CORIN: variants seen among roughly 807,000 people sequenced by gnomAD.
CORIN encodes the protein corin, serine peptidase.
In CORIN, 117 loss-of-function variants were observed where a neutral mutation model predicts 125.3. That is an observed-to-expected ratio of 0.93 (90% CI 0.80 to 1.09). CORIN has a LOEUF of 1.09. Ranked by LOEUF, CORIN falls within the 50% of genes least tolerant of loss-of-function variation. The pLI is 0.00. For missense variants in CORIN, 1,253 were observed against 1,306.7 expected (o/e 0.96, Z 0.63); for synonymous variants, 450 against 466.4 (o/e 0.96, Z 0.45).
At chr4:47,683,959 T>C (rs1228370542) in intron 6 of CORIN, 121 bp from the exon 7 acceptor site, 1 of 664,026 alleles carries the variant, frequency 1.5e-6, no homozygotes. Flanking sequence ...TCCACACCTA[T>C]TGTTTTATAG....
intron 16 of CORIN, among the ~76,000 whole-genome samples, chr4:47,640,844 A>T (rs1250802909): frequency 6.6e-6 from 1 of 152,188 alleles, no homozygotes. Context: ...GAAAAATAAA[A>T]ATAACCATAT....
intron 5 of CORIN, among the ~76,000 whole-genome samples, chr4:47,702,793 C>T (rs1440833422): frequency 6.6e-6 from 1 of 152,160 alleles, no homozygotes; most frequent in East Asian, 1.9e-4. Context: ...AAACAGATTA[C>T]GGTTCTACCC....
At chr4:47,671,191 T>C (rs942725298) in intron 10 of CORIN, among the ~76,000 whole-genome samples, 1 of 152,220 alleles carries the variant, frequency 6.6e-6, no homozygotes, top group Non-Finnish European at 1.5e-5. Context: ...AATATATCTT[T>C]AGCGACCATT....
intron 5 of CORIN, among the ~76,000 whole-genome samples, chr4:47,712,024 G>T (rs921443583): frequency 2.6e-5 from 4 of 152,168 alleles, no homozygotes; most frequent in Non-Finnish European, 4.4e-5. Flanking sequence ...TTGAAATGCA[G>T]CCAATTTATT....
At chr4:47,769,290 C>CA (rs35565049) in intron 3 of CORIN, among the ~76,000 whole-genome samples, 22,631 of 150,920 alleles carry the variant, frequency 0.15, 1,907 homozygotes, top group East Asian at 0.29. Context: ...ACAATAGCTA[C>CA]AAAAAAAATA....
chr4:47,786,640 G>A, intron 3 of CORIN, 85 bp downstream of exon 3: 5 of 1,005,506 alleles, frequency 5.0e-6, no homozygotes, highest in Non-Finnish European at 7.6e-6. Context: ...GCAAGTGATT[G>A]TGAACTAAAA....
At chr4:47,625,959 G>C (rs1722540745) in intron 17 of CORIN, among the ~76,000 whole-genome samples, 1 of 152,066 alleles carries the variant, frequency 6.6e-6, no homozygotes, top group African/African-American at 2.4e-5. Context: ...TGATTTTTTA[G>C]GGTAAACTTA....
intron 7 of CORIN, chr4:47,682,574 T>C (rs1725341059): frequency 6.6e-6 from 1 of 152,128 alleles, no homozygotes. Context: ...TGATAATTTA[T>C]TGCATATTTT....
chr4:47,765,564 T>G (rs546381115), intron 3 of CORIN, among the ~76,000 whole-genome samples: 1 of 152,166 alleles, frequency 6.6e-6, no homozygotes, highest in Non-Finnish European at 1.5e-5. Flanking sequence ...GATAAATGCT[T>G]TCAGAATTTT....
chr4:47,641,100 T>C (rs917328741), intron 16 of CORIN, among the ~76,000 whole-genome samples: 3 of 152,156 alleles, frequency 2.0e-5, no homozygotes, highest in Non-Finnish European at 2.9e-5. Flanking sequence ...TTCTTTAAAC[T>C]AGGATAACAA....
At position 47,827,246 on chromosome 4, in the gene CORIN, T is replaced by C. The variant is rs1211455614; in HGVS notation, c.63+10641A>G. Among the ~76,000 whole-genome samples, 7 of 152,300 alleles carry C rather than the reference T, an allele frequency of 4.6e-5. No individual in the cohort carries two copies. In the East Asian group the frequency reaches 1.3e-3, roughly 29 times the overall value. ...TCTTTCTCTAGAGAGAGCCACTAAA[T>C]TCCTGCAATTAAGATGTCAATTCAA... On this transcript the variant is annotated intron_variant, in intron 1 of 21. Transcript: ENST00000273857.
chr4:47,642,827 G>A, intron 15 of CORIN: 1 of 1,448,258 alleles, frequency 6.9e-7, no homozygotes, highest in South Asian at 1.5e-5. Flanking sequence ...AAGAATGGCA[G>A]ACTATCATTA....
At chr4:47,787,617 AT>A (rs1016223277) in intron 2 of CORIN, among the ~76,000 whole-genome samples, 12 of 152,244 alleles carry the variant, frequency 7.9e-5, no homozygotes, top group Non-Finnish European at 1.5e-4. Context: ...AGAAATACTC[AT>A]TTAAAAAATT....
rs1387748519 is a variant in CORIN at position 47,786,788 on chromosome 4, G to T, written c.346C>A (p.Gln116Lys). Residue 116 changes from glutamine to lysine, a missense_variant, in exon 3 of 22, where the codon CAA becomes AAA. Gln to Lys is a moderately conservative substitution (Grantham distance 53, BLOSUM62 1). Coordinates refer to ENST00000273857, the MANE Select transcript of CORIN (RefSeq NM_006587.4). ...STVVSTAHPDQHVPAWTTDAS... is the reference protein window; with the variant it reads ...STVVSTAHPDKHVPAWTTDAS... Reference sequence around the variant, plus strand: ...TCCGTAGTCCAGGCTGGAACGTGTTGGTCGGGATGTGCAGTAGACACCACA... The same window carrying T: ...TCCGTAGTCCAGGCTGGAACGTGTTTGTCGGGATGTGCAGTAGACACCACA... 1 of 1,614,102 alleles carries T rather than the reference G, an allele frequency of 6.2e-7. No homozygotes were observed.
At chr4:47,820,659 T>C (rs934225455) in intron 1 of CORIN, among the ~76,000 whole-genome samples, 1 of 152,066 alleles carries the variant, frequency 6.6e-6, no homozygotes, top group African/African-American at 2.4e-5. Context: ...CACTCTGCAC[T>C]TCCGAAACTG....
At position 47,763,557 on chromosome 4, in the gene CORIN, A is replaced by G; in HGVS notation, c.439T>C (p.Cys147Arg). 2 of 1,614,190 alleles carry G rather than the reference A, an allele frequency of 1.2e-6. No individual in the cohort carries two copies. Among genetic ancestry groups the G allele is most frequent in the Non-Finnish European group, 1.7e-6 (2 of 1,180,028 alleles). Residue 147 changes from cysteine (C) to arginine (R), a missense_variant, in exon 4 of 22, where the codon TGT (cysteine) becomes CGT (arginine). Transcript: ENST00000273857. The stretch of plus-strand genomic sequence containing the variant: ...GTGGCGTGGTAGGGCAGCATCTGAC[A>G]CTGGCTGTGGGTGATGTTCATACAG... Reference protein sequence around the residue: ...SACMNITHSQCQMLPYHATLT... With the variant: ...SACMNITHSQRQMLPYHATLT...
intron 1 of CORIN, among the ~76,000 whole-genome samples, chr4:47,824,027 G>C (rs1732633589): frequency 1.3e-5 from 2 of 151,792 alleles, no homozygotes; most frequent in South Asian, 4.2e-4. Flanking sequence ...TCTGTCCACT[G>C]AACCATTCAG....
rs562607830 is a variant in CORIN, at chr4:47,669,711, G to A, written c.1358-4448C>T. Among the ~76,000 whole-genome samples, 9 of 152,100 alleles carry A rather than the reference G, an allele frequency of 5.9e-5. No homozygotes were observed. The South Asian group carries it at 1.9e-3, about 32-fold the overall frequency. On this transcript the variant is annotated intron_variant, in intron 10 of 21. Transcript: ENST00000273857. The stretch of plus-strand genomic sequence containing the variant: ...AGCTTCCCGAGTAGCTGGGACTACA[G>A]GTGCCCACCACCACGTCCAGCTAAT...
intron 2 of CORIN, among the ~76,000 whole-genome samples, chr4:47,797,238 A>G (rs1413729230): frequency 6.7e-6 from 1 of 148,386 alleles, no homozygotes; most frequent in Non-Finnish European, 1.5e-5. Context: ...ATTATAATAC[A>G]TAATATTGTG....
Sources: allele counts gnomAD v4.1 joint callset (sites outside exome capture counted in the v4.1 genomes callset), GRCh38; gene constraint gnomAD v4.1.1; transcripts MANE v1.5; gene names NCBI Gene and HGNC (gene_info 2026-07-23, HGNC 2026-07-21).